The following AGO4 variants were observed in gnomAD, a reference collection of about 807,000 sequenced individuals.
AGO4 encodes the protein argonaute RISC component 4.
A neutral mutation model predicts 104.7 loss-of-function variants in AGO4; 33 were observed. That is an observed-to-expected ratio of 0.32 (90% CI 0.24 to 0.42). The LOEUF (loss-of-function observed/expected upper bound fraction) is 0.42, where lower values mean the gene tolerates loss of function less well. AGO4 is among the 10% of genes least tolerant of loss of function. AGO4 has a pLI of 1.00. For missense variants in AGO4, 711 were observed against 1,083.4 expected, an observed-to-expected ratio of 0.66 and a Z score of 4.83; for synonymous variants, 331 against 364.7, an observed-to-expected ratio of 0.91 and a Z score of 1.05.
At position 35,841,448 on chromosome 1, in the gene AGO4, C is replaced by T. The variant is rs1048745805; in HGVS notation, c.2008C>T (p.Arg670Cys). Residue 670 changes from arginine (R) to cysteine (C), a missense_variant, in exon 14 of 18, where the codon CGT (arginine) becomes TGT (cysteine). Physicochemically the swap from Arg to Cys is radical, Grantham distance 180. Coordinates refer to ENST00000373210, the MANE Select transcript of AGO4 (RefSeq NM_017629.4). This position sits in a 1 kb window ranked among gnomAD's most constrained non-coding sequence, Gnocchi z 4.7. Reference sequence around the variant, plus strand: ...CAAACCCACTCGGATCATCTATTACCGTGGAGGGGTATCTGAGGGACAAAT... The same window carrying T: ...CAAACCCACTCGGATCATCTATTACTGTGGAGGGGTATCTGAGGGACAAAT... ...RFKPTRIIYY[R>C]GGVSEGQMKQ... is the part of the protein sequence containing the mutation. 5 of 1,613,570 alleles carry T rather than the reference C, an allele frequency of 3.1e-6. No homozygotes were observed. Among genetic ancestry groups the T allele is most frequent in the Non-Finnish European group, 2.5e-6 (3 of 1,179,516 alleles).
In AGO4 at chr1:35,832,123, A is replaced by T; in HGVS notation, c.1183A>T (p.Asn395Tyr). The T allele has an allele frequency of 6.2e-7, 1 of 1,614,216 alleles. No individual in the cohort carries two copies. Among genetic ancestry groups the T allele is most frequent in the South Asian group, 1.1e-5 (1 of 91,088 alleles). Residue 395 changes from asparagine to tyrosine, a missense_variant, in exon 10 of 18, where the codon AAT (asparagine) becomes TAT (tyrosine). Asn to Tyr is a moderately radical substitution (Grantham distance 143, BLOSUM62 -2). Around this residue, in one of 3 missense-constraint regions of AGO4, gnomAD observed 401 missense variants for 665.5 expected, o/e 0.60. Coordinates refer to ENST00000373210, the MANE Select transcript of AGO4 (RefSeq NM_017629.4). ...TAAAGAATTTGGTATTGTTGTCCAC[A>T]ATGAAATGACAGAGCTCACAGGCAG... ...YLKEFGIVVH[N>Y]EMTELTGRVL...
At position 35,826,835 on chromosome 1, in the gene AGO4, C is replaced by T; in HGVS notation, c.848C>T (p.Thr283Ile). The change falls in exon 7 of 18, where the codon ACT becomes ATT. Residue 283 changes from threonine to isoleucine, a missense_variant and splice_region_variant. Around this residue, in one of 3 missense-constraint regions of AGO4, gnomAD observed 308 missense variants for 397.8 expected, o/e 0.77. Transcript: ENST00000373210. ...ACTAGACGGCCAGCCAGTCATCAAACGTATGTTAACCACATCTAAAGTAAT... is the reference window on the plus strand; with the variant it reads ...ACTAGACGGCCAGCCAGTCATCAAATGTATGTTAACCACATCTAAAGTAAT... ...NVTRRPASHQ[T>I]FPLQLENGQA... 9 of 1,613,776 alleles carry T rather than the reference C, an allele frequency of 5.6e-6. No homozygotes were observed. The highest frequency in any genetic ancestry group is 1.1e-5 in the South Asian group (1 of 91,064).
Position 35,841,208 on chromosome 1 carries a change from G to A in AGO4, c.1768G>A (p.Val590Ile), listed in dbSNP as rs772064624. ...QQPVIFLGAD[V>I]THPPAGDGKK... ...GCCTGTCATCTTCCTGGGAGCGGAT[G>A]TCACACACCCCCCAGCAGGGGATGG... The change falls in exon 14 of 18, where the codon GTC (valine) becomes ATC (isoleucine). Residue 590 changes from valine (V) to isoleucine (I), a missense_variant. Physicochemically the swap from Val to Ile is conservative, Grantham distance 29. Transcript: ENST00000373210. This position sits in a 1 kb window ranked among gnomAD's most constrained non-coding sequence, Gnocchi z 4.7. 14 of 1,613,074 alleles carry A rather than the reference G, an allele frequency of 8.7e-6. No homozygotes were observed. Among genetic ancestry groups the A allele is most frequent in the Non-Finnish European group, 1.2e-5 (14 of 1,179,204 alleles).
chr1:35,807,916 T>C (rs1365373780), upstream of AGO4, among the ~76,000 whole-genome samples: 3 of 151,962 alleles, frequency 2.0e-5, no homozygotes, highest in Non-Finnish European at 1.5e-5. Flanking sequence ...CCCAGAGCCG[T>C]TGGCCACCGG....
intron 17 of AGO4, 71 bp downstream of exon 17, chr1:35,851,124 A>C: frequency 6.9e-7 from 1 of 1,458,282 alleles, no homozygotes; most frequent in East Asian, 2.5e-5. Flanking sequence ...GCTACAATAG[A>C]AAACTTTTTT....
Position 35,817,025 on chromosome 1 carries a change from A to C in AGO4, c.163A>C (p.Lys55Gln), listed in dbSNP as rs770102131. ...YHYDVDIKPE[K>Q]RPRRVNREVV... ...CTATGATGTGGATATTAAGCCTGAA[A>C]AACGGCCTCGTAGAGTCAACAGGTA... is the stretch of plus-strand genomic sequence containing the variant. Residue 55 changes from lysine to glutamine, a missense_variant, in exon 2 of 18, where the codon AAA becomes CAA. Physicochemically the swap from Lys to Gln is moderately conservative, Grantham distance 53. Coordinates refer to ENST00000373210, the MANE Select transcript of AGO4 (RefSeq NM_017629.4). 7.5e-6 allele frequency: 12 copies of C among 1,610,660 alleles called. No individual in the cohort carries two copies. Among genetic ancestry groups the C allele is most frequent in the Non-Finnish European group, 1.7e-6 (2 of 1,178,196 alleles).
intron 15 of AGO4, among the ~76,000 whole-genome samples, chr1:35,849,006 A>G (rs150454344): frequency 3.3e-5 from 5 of 152,330 alleles, no homozygotes; most frequent in Middle Eastern, 6.8e-3. Flanking sequence ...GTTAAAATGG[A>G]GCCAAATAAA....
At chr1:35,846,276 T>C (rs1644570018) in intron 15 of AGO4, among the ~76,000 whole-genome samples, 1 of 152,150 alleles carries the variant, frequency 6.6e-6, no homozygotes, top group East Asian at 1.9e-4. Context: ...TTGCCCCATT[T>C]CCAGTCCCTC....
intron 1 of AGO4, among the ~76,000 whole-genome samples, chr1:35,812,738 C>T (rs1643550154): frequency 6.6e-6 from 1 of 151,972 alleles, no homozygotes; most frequent in Non-Finnish European, 1.5e-5. Flanking sequence ...ATTACAGGTG[C>T]CCACCACCAC....
chr1:35,811,990 C>T (rs1318880862), intron 1 of AGO4, among the ~76,000 whole-genome samples: 1 of 152,066 alleles, frequency 6.6e-6, no homozygotes. Context: ...AACCGAGATG[C>T]AGAGAGGCCA....
In AGO4 at chr1:35,833,980, A is replaced by G; in HGVS notation, c.1380-10A>G. The G allele has an allele frequency of 1.3e-6, 2 of 1,492,864 alleles. No homozygotes were observed. The highest frequency in any genetic ancestry group is 1.8e-6 in the Non-Finnish European group (2 of 1,114,388). 92.5% of individuals were successfully genotyped at this position (1,492,864 alleles called of 1,614,324 possible). ...TGAAAAAAACCGTGTTACTGGTTCT[A>G]TTTTAACAGGAGTTTCACTGACCAG... is the stretch of plus-strand genomic sequence containing the variant. On this transcript the variant is annotated splice_polypyrimidine_tract_variant and intron_variant, in intron 11 of 17. Transcript: ENST00000373210.
chr1:35,823,908 G>A (rs866329502), intron 3 of AGO4, among the ~76,000 whole-genome samples: 17 of 152,034 alleles, frequency 1.1e-4, no homozygotes, highest in Admixed American at 3.9e-4. Flanking sequence ...AGTGATGATA[G>A]ATTTGTTATT....
At position 35,808,713 on chromosome 1, in the gene AGO4, G is replaced by A. The variant is rs1643387758; in HGVS notation, c.19+278G>A. 6.6e-6 allele frequency among the ~76,000 whole-genome samples: 1 copy of A among 152,174 alleles called. No homozygotes were observed. Reference sequence around the variant, plus strand: ...AGGCCACTCTTGGCCCCACCTCGGGGAGACGATATGTGCCCGGGGTCGCGA... The same window carrying A: ...AGGCCACTCTTGGCCCCACCTCGGGAAGACGATATGTGCCCGGGGTCGCGA... On this transcript the variant is annotated intron_variant, in intron 1 of 17. Coordinates refer to ENST00000373210, the MANE Select transcript of AGO4 (RefSeq NM_017629.4). This position sits in a 1 kb window ranked among gnomAD's most constrained non-coding sequence, Gnocchi z 5.2.
chr1:35,835,006 C>CT (rs34516326), intron 12 of AGO4, among the ~76,000 whole-genome samples: 6,609 of 102,984 alleles, frequency 0.064, 422 homozygotes, highest in Middle Eastern at 0.16. Flanking sequence ...CAGTTTTAAA[C>CT]TTTTTTTTTT....
intron 8 of AGO4, 44 bp from the exon 9 acceptor site, chr1:35,831,768 G>A (rs377448301): frequency 1.7e-5 from 28 of 1,611,150 alleles, no homozygotes; most frequent in Non-Finnish European, 2.4e-5. Context: ...GGTTTAAGAT[G>A]TGGAACCCTT....
chr1:35,812,781 G>A (rs113579434), intron 1 of AGO4, among the ~76,000 whole-genome samples: 1 of 151,710 alleles, frequency 6.6e-6, no homozygotes, highest in Admixed American at 6.6e-5. Context: ...TAGTAGAGAC[G>A]GTGTTTTGCC....
At chr1:35,853,123 C>T (rs1242533782) in intron 17 of AGO4, among the ~76,000 whole-genome samples, 3 of 151,664 alleles carry the variant, frequency 2.0e-5, no homozygotes, top group East Asian at 1.9e-4. Flanking sequence ...TGGTGGCGGG[C>T]GCCTGTAGTC....
At chr1:35,851,637 G>A (rs1477334581) in intron 17 of AGO4, among the ~76,000 whole-genome samples, 1 of 152,178 alleles carries the variant, frequency 6.6e-6, no homozygotes, top group East Asian at 1.9e-4. Context: ...GACCATCTGT[G>A]AAGTGTAGCA....
At position 35,832,589 on chromosome 1, in the gene AGO4, T is replaced by A; in HGVS notation, c.1379+19T>A. ...TACTAAAGTGAGTATCTTCATATTT[T>A]CAGCTTAGTAATATCCCTTCCAGAT... On this transcript the variant is annotated intron_variant, in intron 11 of 17. Coordinates refer to ENST00000373210, the MANE Select transcript of AGO4 (RefSeq NM_017629.4). 1 of 1,611,892 alleles carries A rather than the reference T, an allele frequency of 6.2e-7. No individual in the cohort carries two copies. The highest frequency in any genetic ancestry group is 1.1e-5 in the South Asian group (1 of 90,944).
Sources: allele counts gnomAD v4.1 joint callset (sites outside exome capture counted in the v4.1 genomes callset), GRCh38; gene constraint gnomAD v4.1.1; regional missense constraint gnomAD v4.1.1; non-coding constraint Gnocchi (gnomAD v3.1); transcripts MANE v1.5; gene names NCBI Gene and HGNC (gene_info 2026-07-23, HGNC 2026-07-21).